Variants in FBXW2 observed in about 807,000 individuals in gnomAD.
FBXW2 encodes the protein F-box/WD repeat-containing protein 2.
In FBXW2, 12 loss-of-function variants were observed where a neutral mutation model predicts 46.0. The observed-to-expected ratio is 0.26, with a 90% CI of 0.17 to 0.42. FBXW2 has a LOEUF of 0.42. FBXW2 is among the 10% of genes least tolerant of loss of function. The pLI, the probability that FBXW2 is intolerant of heterozygous loss-of-function variation, is 1.00. For missense variants in FBXW2, 360 were observed against 537.0 expected (o/e 0.67, Z 3.26); for synonymous variants, 203 against 209.6 (o/e 0.97, Z 0.27).
rs533036227 is a variant in FBXW2 at position 120,757,503 on chromosome 9, T to G, written c.*7056A>C. On this transcript the variant is annotated 3_prime_UTR_variant, in exon 8 of 8. Coordinates refer to ENST00000608872, the MANE Select transcript of FBXW2 (RefSeq NM_012164.4). ...ATTATCTACCAAAACAGAAATGGTT[T>G]AGCAAATTACAGTAATGAAGGAAAA... 1 of 152,248 alleles carries G rather than the reference T, an allele frequency of 6.6e-6. No homozygotes were observed. Among genetic ancestry groups the G allele is most frequent in the Non-Finnish European group, 1.5e-5 (1 of 68,040 alleles). 9.4% of individuals were successfully genotyped at this position (152,248 alleles called of 1,614,324 possible).
chr9:120,775,571 AC>A (rs1167613534), intron 5 of FBXW2, among the ~76,000 whole-genome samples: 1 of 152,198 alleles, frequency 6.6e-6, no homozygotes, highest in African/African-American at 2.4e-5. Context: ...CATTATTAAT[AC>A]TGCATTTGAT....
At chr9:120,770,925 G>A (rs56187404) in intron 7 of FBXW2, among the ~76,000 whole-genome samples, 186 of 152,300 alleles carry the variant, frequency 1.2e-3, no homozygotes, top group Middle Eastern at 6.8e-3. Context: ...CTTTCTACTA[G>A]TCAACAGAAG....
intron 2 of FBXW2, chr9:120,792,813 T>A (rs930092989): frequency 1.6e-6 from 2 of 1,244,478 alleles, no homozygotes; most frequent in Admixed American, 2.2e-5. Context: ...CTACAGTAAA[T>A]GTCAGTTACC....
intron 7 of FBXW2, among the ~76,000 whole-genome samples, chr9:120,767,427 C>T (rs2044296154): frequency 6.6e-6 from 1 of 152,112 alleles, no homozygotes; most frequent in African/African-American, 2.4e-5. Flanking sequence ...ATGGTGTCAG[C>T]CTTTATAAAC....
rs1231994881 is a variant in FBXW2 at position 120,763,383 on chromosome 9, C to T, written c.*1176G>A. On this transcript the variant is annotated 3_prime_UTR_variant, in exon 8 of 8. Transcript: ENST00000608872. ...GGTCTTAGAAGAGAAAGTTAACTTG[C>T]CTGAGGCTGCAGATTAAGTTAGAGG... The T allele has an allele frequency of 6.6e-6, 1 of 152,126 alleles. No individual in the cohort carries two copies. Among genetic ancestry groups the T allele is most frequent in the Non-Finnish European group, 1.5e-5 (1 of 68,044 alleles). 9.4% of individuals were successfully genotyped at this position (152,126 alleles called of 1,614,324 possible). A position where few individuals can be genotyped will look rare whatever the true frequency, so the allele number is the denominator to read the frequency against.
rs1017092105 is a variant in FBXW2 at position 120,789,070 on chromosome 9, A to G, written c.-20-792T>C. ...AGGCCTGCACAAATAAAGCAAATTA[A>G]TAATCCTGATGTTTATAAAACACCA... On this transcript the variant is annotated intron_variant, in intron 2 of 7. Coordinates refer to ENST00000608872, the MANE Select transcript of FBXW2 (RefSeq NM_012164.4). Among the ~76,000 whole-genome samples, 9 of 152,268 alleles carry G rather than the reference A, an allele frequency of 5.9e-5. 1 individual carries two copies. The South Asian group carries it at 1.9e-3, about 32-fold the overall frequency.
At chr9:120,774,502 A>G (rs1247536449) in intron 5 of FBXW2, among the ~76,000 whole-genome samples, 3 of 152,162 alleles carry the variant, frequency 2.0e-5, no homozygotes, top group Non-Finnish European at 4.4e-5. Flanking sequence ...ACAGAATGAG[A>G]CCCTGTCTGT....
intron 5 of FBXW2, among the ~76,000 whole-genome samples, chr9:120,774,727 T>C (rs926668612): frequency 1.2e-3 from 185 of 152,242 alleles, no homozygotes; most frequent in African/African-American, 4.3e-3. Context: ...CATTCAGCAG[T>C]TAATTTTCCT....
At chr9:120,780,732 T>C (rs2044593356) in intron 3 of FBXW2, among the ~76,000 whole-genome samples, 1 of 152,200 alleles carries the variant, frequency 6.6e-6, no homozygotes, top group Non-Finnish European at 1.5e-5. Context: ...TCAACATATA[T>C]TTATAGAACT....
In FBXW2 at chr9:120,764,406, T is replaced by C. The variant is rs1365666038; in HGVS notation, c.*153A>G. On this transcript the variant is annotated 3_prime_UTR_variant, in exon 8 of 8. Transcript: ENST00000608872. ...ACAAGCCCTCCCCCACCCCGAGCCC[T>C]GGCCCCTGGCAAAACATAGATAAAT... 1.2e-6 allele frequency: 1 copy of C among 832,692 alleles called. No homozygotes were observed. The highest frequency in any genetic ancestry group is 1.7e-5 in the African/African-American group (1 of 58,640). The allele number at this position is 832,692 out of a possible 1,614,324, so 51.6% of individuals were successfully genotyped here.
At position 120,784,620 on chromosome 9, in the gene FBXW2, A is replaced by G. The variant is rs1588046698; in HGVS notation, c.490+3149T>C. Among the ~76,000 whole-genome samples, 4 of 151,886 alleles carry G rather than the reference A, an allele frequency of 2.6e-5. No individual in the cohort carries two copies. In the Middle Eastern group the frequency reaches 0.014, roughly 517 times the overall value. On this transcript the variant is annotated intron_variant, in intron 3 of 7. Coordinates refer to ENST00000608872, the MANE Select transcript of FBXW2 (RefSeq NM_012164.4). ...ACCCAGTGAGAGGTTGTCTCCAAAAAAGAAAAAAAAAAAATGCGGCTGGGT... is the reference window on the plus strand; with the variant it reads ...ACCCAGTGAGAGGTTGTCTCCAAAAGAGAAAAAAAAAAAATGCGGCTGGGT...
In FBXW2 at chr9:120,764,506, C is replaced by T; in HGVS notation, c.*53G>A. The T allele has an allele frequency of 6.3e-7, 1 of 1,575,464 alleles. No homozygotes were observed. Among genetic ancestry groups the T allele is most frequent in the South Asian group, 1.2e-5 (1 of 86,436 alleles). On this transcript the variant is annotated 3_prime_UTR_variant, in exon 8 of 8. Transcript: ENST00000608872. ...AGTCGGCTGCCGCAGAGGTTGCACC[C>T]AAAACCCGCAGCCCCGGCACCCAAA...
At chr9:120,771,116 ACAGT>A (rs1179691952) in intron 7 of FBXW2, among the ~76,000 whole-genome samples, 1 of 152,220 alleles carries the variant, frequency 6.6e-6, no homozygotes, top group Non-Finnish European at 1.5e-5. Flanking sequence ...CTCATGACTC[ACAGT>A]CAGGCAGCGG....
chr9:120,776,470 T>C, intron 4 of FBXW2: 1 of 437,150 alleles, frequency 2.3e-6, no homozygotes, highest in Non-Finnish European at 4.1e-6. Flanking sequence ...GTAGCTACAG[T>C]GAGAGGCAAA....
chr9:120,781,659 CACACACACACACACACAT>C (rs1299760432), intron 3 of FBXW2, among the ~76,000 whole-genome samples: 42 of 151,610 alleles, frequency 2.8e-4, no homozygotes, highest in Admixed American at 1.6e-3. Flanking sequence ...CACACACACA[CACACACACACACACACAT>C]ACACACACAC....
At chr9:120,773,320 G>A (rs1179704643) in intron 5 of FBXW2, among the ~76,000 whole-genome samples, 6 of 152,088 alleles carry the variant, frequency 3.9e-5, no homozygotes, top group Admixed American at 6.6e-5. Flanking sequence ...AAAAAAGCCC[G>A]TAGACACTGA....
chr9:120,764,997 A>G (rs2044249194), intron 7 of FBXW2, 150 bp from the exon 8 acceptor site: 2 of 656,036 alleles, frequency 3.0e-6, no homozygotes, highest in Admixed American at 6.5e-5. Context: ...ATATAAGGAG[A>G]AAAGCTCAGC....
rs2131255703 is a variant in FBXW2 at position 120,760,047 on chromosome 9, G to A, written c.*4512C>T. 1 of 152,332 alleles carries A rather than the reference G, an allele frequency of 6.6e-6. No individual in the cohort carries two copies. Among genetic ancestry groups the A allele is most frequent in the South Asian group, 2.1e-4 (1 of 4,826 alleles). The allele number at this position is 152,332 out of a possible 1,614,324, so 9.4% of individuals were successfully genotyped here. On this transcript the variant is annotated 3_prime_UTR_variant, in exon 8 of 8. Coordinates refer to ENST00000608872, the MANE Select transcript of FBXW2 (RefSeq NM_012164.4). ...GGCTAATGGGCATTGTGTCAAAAAA[G>A]TGAATCTGTTCTTTTCATCAGACAT...
At chr9:120,785,518 C>T (rs1379631716) in intron 3 of FBXW2, among the ~76,000 whole-genome samples, 3 of 152,172 alleles carry the variant, frequency 2.0e-5, no homozygotes, top group African/African-American at 7.2e-5. Flanking sequence ...TTTTCCAAAA[C>T]CAGCAGAGTG....
Sources: gnomAD v4.1 joint callset for allele counts (sites outside exome capture counted in the v4.1 genomes callset) on GRCh38, gnomAD v4.1.1 for gene constraint, MANE v1.5 for transcripts, NCBI Gene and HGNC (gene_info 2026-07-23, HGNC 2026-07-21) for gene names.